The following WRN variants were observed in gnomAD, a reference collection of about 807,000 sequenced individuals.
WRN encodes the protein bifunctional 3'-5' exonuclease/ATP-dependent helicase WRN.
Under a neutral mutation model 180.7 loss-of-function variants are expected in WRN, and 149 were observed. That is an observed-to-expected ratio of 0.82 (90% CI 0.72 to 0.94). The LOEUF is 0.94. Among genes scored for constraint, WRN ranks in the 40% least tolerant of loss-of-function variants. The probability of loss-of-function intolerance (pLI) is 0.00; values close to 1 mark genes in which losing one functional copy is unlikely to be tolerated. For missense variants in WRN, 1,661 were observed against 1,700.1 expected, an observed-to-expected ratio of 0.98 and a Z score of 0.40; for synonymous variants, 548 against 568.9, an observed-to-expected ratio of 0.96 and a Z score of 0.52.
intron 23 of WRN, among the ~76,000 whole-genome samples, chr8:31,127,513 A>G (rs1233444474): frequency 2.6e-5 from 4 of 151,580 alleles, no homozygotes; most frequent in African/African-American, 4.9e-5. Flanking sequence ...AAGCATTATT[A>G]GGGATGGAGT....
rs754365120 is a variant in WRN, at chr8:31,141,547, G to A, written c.3085G>A (p.Val1029Ile). 4 of 1,614,010 alleles carry A rather than the reference G, an allele frequency of 2.5e-6. No homozygotes were observed. The South Asian group carries it at 4.4e-5, about 18-fold the overall frequency. The change falls in exon 25 of 35, where the codon GTA (valine) becomes ATA (isoleucine). Residue 1029 changes from valine to isoleucine, a missense_variant. This residue lies in a region of WRN where 1,141 missense variants were observed against 1,149.4 expected (regional missense o/e 0.99). Coordinates refer to ENST00000298139, the MANE Select transcript of WRN (RefSeq NM_000553.6). Reference sequence around the variant, plus strand: ...TCAGCTGATCACTGAGGGATTCTTGGTAGAAGTTTCTCGGTATAACAAATT... The same window carrying A: ...TCAGCTGATCACTGAGGGATTCTTGATAGAAGTTTCTCGGTATAACAAATT... ...SRQLITEGFLVEVSRYNKFMK... is the reference protein window; with the variant it reads ...SRQLITEGFLIEVSRYNKFMK...
intron 21 of WRN, 116 bp from the exon 22 acceptor site, chr8:31,124,406 G>T: frequency 2.6e-6 from 2 of 763,362 alleles, no homozygotes; most frequent in Non-Finnish European, 2.2e-6. Flanking sequence ...TTTTTATCTT[G>T]ATGGGGTGTG....
rs77682398 is a variant in WRN, at chr8:31,054,695, A to G, written c.-76-3677A>G. Reference sequence around the variant, plus strand: ...GGGGGGTTTAAAATCCTTTAAAGGTACAATGTGAAGCATTATGAAATGATA... The same window carrying G: ...GGGGGGTTTAAAATCCTTTAAAGGTGCAATGTGAAGCATTATGAAATGATA... On this transcript the variant is annotated intron_variant, in intron 1 of 34. Transcript: ENST00000298139. Among the ~76,000 whole-genome samples the G allele has an allele frequency of 6.6e-5, 10 of 152,240 alleles. No homozygotes were observed. The East Asian group carries it at 1.9e-3, about 29-fold the overall frequency.
intron 30 of WRN, among the ~76,000 whole-genome samples, chr8:31,149,579 A>G (rs1399745940): frequency 9.4e-5 from 13 of 138,014 alleles, no homozygotes; most frequent in Admixed American, 4.7e-4. Context: ...GGTTCAAGCA[A>G]TTCTCCTGCC....
chr8:31,075,144 A>G (rs542085756), intron 7 of WRN, among the ~76,000 whole-genome samples: 1 of 152,312 alleles, frequency 6.6e-6, no homozygotes, highest in East Asian at 1.9e-4. Flanking sequence ...AAAGTAGTTA[A>G]TGAATCAGGC....
rs1813472019 is a variant in WRN at position 31,085,021 on chromosome 8, T to C, written c.1351-145T>C. 3 of 495,242 alleles carry C rather than the reference T, an allele frequency of 6.1e-6. No individual in the cohort carries two copies. In the South Asian group the frequency reaches 1.2e-4, roughly 20 times the overall value. 30.7% of individuals were successfully genotyped at this position (495,242 alleles called of 1,614,324 possible). A position where few individuals can be genotyped will look rare whatever the true frequency, so the allele number is the denominator to read the frequency against. On this transcript the variant is annotated intron_variant, in intron 10 of 34. Transcript: ENST00000298139. The stretch of plus-strand genomic sequence containing the variant: ...CTCTCTCTCCCTTTTTTATCTATCA[T>C]ATAAATATGTAAATATATATTATAT...
intron 15 of WRN, among the ~76,000 whole-genome samples, chr8:31,091,546 A>G (rs1813746600): frequency 6.6e-6 from 1 of 152,016 alleles, no homozygotes; most frequent in South Asian, 2.1e-4. Context: ...TAATGAGTAC[A>G]AACATACAGT....
At chr8:31,045,925 G>A (rs1159255012) in intron 1 of WRN, among the ~76,000 whole-genome samples, 1 of 152,050 alleles carries the variant, frequency 6.6e-6, no homozygotes, top group African/African-American at 2.4e-5. Context: ...ACAGTTTTGG[G>A]TCTGGCTGTG....
chr8:31,141,429 G>A lies in WRN; in HGVS notation c.2968-1G>A, dbSNP rs1300106191. The A allele has an allele frequency of 6.2e-7, 1 of 1,614,006 alleles. No individual in the cohort carries two copies. The highest frequency in any genetic ancestry group is 1.1e-5 in the South Asian group (1 of 91,072). ...GATACTGATTTTATTCCTAATTTCA[G>A]AATTCTCAGCGTCTTGCCGATCAAT... On this transcript the variant is annotated splice_acceptor_variant, in intron 24 of 34. Transcript: ENST00000298139. LOFTEE classifies it high-confidence loss of function.
Position 31,141,596 on chromosome 8 carries a change from A to G in WRN, c.3134A>G (p.Lys1045Arg), listed in dbSNP as rs369095273. 1.5e-5 allele frequency: 25 copies of G among 1,613,964 alleles called. No homozygotes were observed. The highest frequency in any genetic ancestry group is 1.9e-5 in the Non-Finnish European group (22 of 1,180,004). ...TTTATGAAGATTTGCGCCCTTACGA[A>G]AAAGGTAAACGGTGTAGGAGTCTGC... ...NKFMKICALTKKGRNWLHKAN... is the reference protein window; with the variant it reads ...NKFMKICALTRKGRNWLHKAN... Residue 1045 changes from lysine to arginine, a missense_variant, in exon 25 of 35, where the codon AAA (lysine) becomes AGA (arginine). This residue lies in a region of WRN where 1,141 missense variants were observed against 1,149.4 expected (regional missense o/e 0.99). Coordinates refer to ENST00000298139, the MANE Select transcript of WRN (RefSeq NM_000553.6).
chr8:31,049,209 T>TAA (rs1241147835), intron 1 of WRN, among the ~76,000 whole-genome samples: 4 of 7,992 alleles, frequency 5.0e-4, no homozygotes, highest in East Asian at 0.014. Context: ...AGACTCTGTC[T>TAA]CAAAAAAAAA....
At chr8:31,144,956 ACT>A (rs2130431424) in intron 28 of WRN, among the ~76,000 whole-genome samples, 1 of 152,330 alleles carries the variant, frequency 6.6e-6, no homozygotes, top group Admixed American at 6.5e-5. Context: ...CAAAGCCCTA[ACT>A]CTCTTCAATT....
At chr8:31,041,936 C>G (rs923003061) in intron 1 of WRN, among the ~76,000 whole-genome samples, 2 of 152,094 alleles carry the variant, frequency 1.3e-5, no homozygotes, top group African/African-American at 4.8e-5. Flanking sequence ...AGTAATAAAG[C>G]CAGAAGGGCA....
At position 31,033,830 on chromosome 8, in the gene WRN, A is replaced by T. The variant is rs1015768505; in HGVS notation, c.-220A>T. On this transcript the variant is annotated 5_prime_UTR_variant, in exon 1 of 35. Coordinates refer to ENST00000298139, the MANE Select transcript of WRN (RefSeq NM_000553.6). ...CTGATGTGTACTGTGTGCGCCGGGG[A>T]GGCGCCGGCTTGTACTCGGCAGCGC... 1 of 152,038 alleles carries T rather than the reference A, an allele frequency of 6.6e-6. No individual in the cohort carries two copies. The highest frequency in any genetic ancestry group is 1.5e-5 in the Non-Finnish European group (1 of 68,072). The allele number at this position is 152,038 out of a possible 1,614,324, so 9.4% of individuals were successfully genotyped here.
intron 28 of WRN, among the ~76,000 whole-genome samples, chr8:31,144,547 G>C (rs1288487017): frequency 6.6e-6 from 1 of 152,068 alleles, no homozygotes; most frequent in Non-Finnish European, 1.5e-5. Flanking sequence ...GTGTTGGTCA[G>C]GTGGATCTTG....
chr8:31,125,551 TA>T (rs2130347700), intron 23 of WRN, among the ~76,000 whole-genome samples: 1 of 126,268 alleles, frequency 7.9e-6, no homozygotes, highest in African/African-American at 2.9e-5. Flanking sequence ...TATATATATA[TA>T]TATATATATA....
intron 1 of WRN, among the ~76,000 whole-genome samples, chr8:31,054,780 C>T (rs548612344): frequency 2.0e-5 from 3 of 152,304 alleles, no homozygotes; most frequent in Admixed American, 6.5e-5. Flanking sequence ...ATGTGCAGGA[C>T]GTGCAGGTTT....
At position 31,173,136 on chromosome 8, in the gene WRN, T is replaced by A. The variant is rs375879048; in HGVS notation, c.*34T>A. The A allele has an allele frequency of 8.9e-6, 14 of 1,578,720 alleles. No individual in the cohort carries two copies. The highest frequency in any genetic ancestry group is 1.2e-5 in the Non-Finnish European group (14 of 1,148,792). On this transcript the variant is annotated 3_prime_UTR_variant, in exon 35 of 35. Transcript: ENST00000298139. ...TTACCAGAACAATTATGTTTCTTGC[T>A]GTATTATAAGAGGATAGCTATATTT... is the stretch of plus-strand genomic sequence containing the variant.
chr8:31,129,833 C>T (rs1344176704), intron 23 of WRN, among the ~76,000 whole-genome samples: 1 of 151,626 alleles, frequency 6.6e-6, no homozygotes, highest in Non-Finnish European at 1.5e-5. Context: ...GGTGAAACCC[C>T]GTCTCTACTA....
Sources: allele counts gnomAD v4.1 joint callset (sites outside exome capture counted in the v4.1 genomes callset), GRCh38; gene constraint gnomAD v4.1.1; regional missense constraint gnomAD v4.1.1; transcripts MANE v1.5; gene names NCBI Gene and HGNC (gene_info 2026-07-23, HGNC 2026-07-21).